Variants in RUNX1 observed in about 807,000 individuals in gnomAD.
RUNX1 encodes the protein runt-related transcription factor 1.
Under a neutral mutation model 42.8 loss-of-function variants are expected in RUNX1, and 19 were observed. The ratio of observed to expected loss-of-function variants is 0.44; its 90% CI spans 0.31 to 0.65. The LOEUF is 0.65. RUNX1 is among the 30% of genes least tolerant of loss of function. The probability of loss-of-function intolerance (pLI) is 0.07; values close to 1 mark genes in which losing one functional copy is unlikely to be tolerated. For missense variants in RUNX1, 528 were observed against 672.0 expected, an observed-to-expected ratio of 0.79 and a Z score of 2.37; for synonymous variants, 271 against 289.4, an observed-to-expected ratio of 0.94 and a Z score of 0.64.
chr21:34,913,253 G>A (rs1569101595), intron 2 of RUNX1, among the ~76,000 whole-genome samples: 1 of 152,074 alleles, frequency 6.6e-6, no homozygotes, highest in African/African-American at 2.4e-5. Flanking sequence ...AGAAGGAGAA[G>A]GAGAAGGAGA....
intron 2 of RUNX1, among the ~76,000 whole-genome samples, chr21:35,010,625 G>GCGCA (rs376461042): frequency 5.6e-5 from 8 of 143,624 alleles, no homozygotes; most frequent in African/African-American, 2.0e-4. Flanking sequence ...ACACACACAC[G>GCGCA]CACACACACA....
chr21:34,846,215 T>C lies in RUNX1; in HGVS notation c.614-11614A>G, dbSNP rs947857135. On this transcript the variant is annotated intron_variant, in intron 6 of 8. Coordinates refer to ENST00000675419, the MANE Select transcript of RUNX1 (RefSeq NM_001754.5). ...ATGTCTTTTTTTTTTTTTTTTTTTT[T>C]CAAATGTTGCCAAAGTCATGGGAAC... Among the ~76,000 whole-genome samples the C allele has an allele frequency of 6.3e-4, 82 of 130,262 alleles. 1 individual carries two copies. Among genetic ancestry groups the C allele is most frequent in the African/African-American group, 1.7e-3 (65 of 37,608 alleles). 85.5% of individuals were successfully genotyped at this position (130,262 alleles called of 152,430 possible).
intron 2 of RUNX1, among the ~76,000 whole-genome samples, chr21:35,047,553 ACACACACACTCTCT>A (rs1485128655): frequency 5.8e-3 from 520 of 89,814 alleles, no homozygotes; most frequent in Non-Finnish European, 7.6e-3. Context: ...ACACACACAC[ACACACACACTCTCT>A]CTCTCTCTCT....
intron 2 of RUNX1, among the ~76,000 whole-genome samples, chr21:35,013,070 G>A (rs545612355): frequency 9.2e-5 from 14 of 152,280 alleles, no homozygotes; most frequent in Admixed American, 3.3e-4. Flanking sequence ...TAGTTCTTGC[G>A]ATGACTGAAC....
intron 7 of RUNX1, chr21:34,833,661 C>T (rs1206076099): frequency 1.3e-5 from 2 of 157,362 alleles, no homozygotes; most frequent in Non-Finnish European, 2.8e-5. Flanking sequence ...ATATCACACA[C>T]AGCTGCATCC....
intron 7 of RUNX1, among the ~76,000 whole-genome samples, chr21:34,818,297 G>A (rs1412803152): frequency 2.6e-5 from 4 of 152,226 alleles, no homozygotes; most frequent in Non-Finnish European, 4.4e-5. Context: ...TTCATAAGAG[G>A]GCAACTGTTA....
At chr21:35,025,632 T>C (rs185036460) in intron 2 of RUNX1, among the ~76,000 whole-genome samples, 51 of 152,294 alleles carry the variant, frequency 3.3e-4, no homozygotes, top group Admixed American at 7.8e-4. Context: ...AGCCAAAATA[T>C]ACGGGTCTCT....
intron 4 of RUNX1, among the ~76,000 whole-genome samples, chr21:34,881,105 G>T (rs1450903766): frequency 6.6e-6 from 1 of 152,106 alleles, no homozygotes; most frequent in Admixed American, 6.6e-5. Context: ...AGATATCAAG[G>T]ATTTTGAGTA....
At chr21:34,801,108 GA>G (rs200570605) in intron 7 of RUNX1, among the ~76,000 whole-genome samples, 4 of 149,586 alleles carry the variant, frequency 2.7e-5, no homozygotes, top group Non-Finnish European at 4.5e-5. Context: ...TGCTCCAAGT[GA>G]AAAAAAAATC....
At chr21:34,853,311 C>T (rs975041393) in intron 6 of RUNX1, among the ~76,000 whole-genome samples, 7 of 152,098 alleles carry the variant, frequency 4.6e-5, no homozygotes, top group African/African-American at 1.7e-4. Flanking sequence ...TGATTCCCTC[C>T]TGTCAGTACA....
intron 8 of RUNX1, chr21:34,797,933 G>A: frequency 2.3e-6 from 1 of 441,912 alleles, no homozygotes; most frequent in East Asian, 7.1e-5. Context: ...CAAGGATGCT[G>A]CTAAATATTC....
At chr21:34,861,817 T>C (rs2057580738) in intron 5 of RUNX1, among the ~76,000 whole-genome samples, 1 of 152,178 alleles carries the variant, frequency 6.6e-6, no homozygotes, top group Non-Finnish European at 1.5e-5. Context: ...CCTTGATGAC[T>C]ACATTTTGCT....
At chr21:35,041,491 T>C (rs566769199) in intron 2 of RUNX1, among the ~76,000 whole-genome samples, 1 of 152,302 alleles carries the variant, frequency 6.6e-6, no homozygotes, top group South Asian at 2.1e-4. Flanking sequence ...ATATGGACCA[T>C]GGCATGGGAG....
intron 2 of RUNX1, among the ~76,000 whole-genome samples, chr21:34,998,834 C>T (rs766255666): frequency 2.0e-5 from 3 of 152,204 alleles, no homozygotes; most frequent in Non-Finnish European, 4.4e-5. Flanking sequence ...AGCCACCGTG[C>T]CCGGCCTCTT....
intron 2 of RUNX1, among the ~76,000 whole-genome samples, 161 bp from the exon 3 acceptor site, chr21:34,893,124 A>G (rs1253882872): frequency 6.6e-6 from 1 of 152,178 alleles, no homozygotes; most frequent in African/African-American, 2.4e-5. Context: ...AAATCACCAA[A>G]TAAGAAATAA....
At chr21:34,933,604 A>T (rs533259595) in intron 2 of RUNX1, among the ~76,000 whole-genome samples, 1 of 152,224 alleles carries the variant, frequency 6.6e-6, no homozygotes, top group South Asian at 2.1e-4. Context: ...ATAGTAGCTG[A>T]AAGTAGAGTA....
At chr21:34,997,565 A>C (rs1261418588) in intron 2 of RUNX1, among the ~76,000 whole-genome samples, 1 of 152,226 alleles carries the variant, frequency 6.6e-6, no homozygotes, top group African/African-American at 2.4e-5. Flanking sequence ...TGGCACTGGA[A>C]GTCGTCTTGC....
chr21:35,038,611 CTCTGTGTGTGTGTG>C (rs1240571660), intron 2 of RUNX1: 88 of 301,724 alleles, frequency 2.9e-4, no homozygotes, highest in Non-Finnish European at 4.5e-4. Context: ...CTCTCTCTCT[CTCTGTGTGTGTGTG>C]TGTGTGTGTG....
At position 34,901,611 on chromosome 21, in the gene RUNX1, A is replaced by G. The variant is rs1276334650; in HGVS notation, c.59-8648T>C. Among the ~76,000 whole-genome samples the G allele has an allele frequency of 3.3e-5, 5 of 152,154 alleles. No individual in the cohort carries two copies. The highest frequency in any genetic ancestry group is 1.2e-4 in the African/African-American group (5 of 41,430). On this transcript the variant is annotated intron_variant, in intron 2 of 8. Coordinates refer to ENST00000675419, the MANE Select transcript of RUNX1 (RefSeq NM_001754.5). The surrounding 1 kb of genome is among the most constrained non-coding windows in gnomAD (Gnocchi z 4.3). The stretch of plus-strand genomic sequence containing the variant: ...AAGGGGCCAACGTGTGGACCCTGGA[A>G]AGGGTGTGAGCCCTTCTCCACATTC...
Sources: allele counts gnomAD v4.1 joint callset (sites outside exome capture counted in the v4.1 genomes callset), GRCh38; gene constraint gnomAD v4.1.1; non-coding constraint Gnocchi (gnomAD v3.1); transcripts MANE v1.5; gene names NCBI Gene and HGNC (gene_info 2026-07-23, HGNC 2026-07-21).